The following HERC6 variants were observed in gnomAD, a reference collection of about 807,000 sequenced individuals.
The protein encoded by HERC6 is HECT and RLD domain containing E3 ubiquitin protein ligase family member 6, also known as probable E3 ubiquitin-protein ligase HERC6.
A neutral mutation model predicts 114.5 loss-of-function variants in HERC6; 101 were observed. The ratio of observed to expected loss-of-function variants is 0.88; its 90% CI spans 0.75 to 1.04. The LOEUF (loss-of-function observed/expected upper bound fraction) is 1.04, where lower values mean the gene tolerates loss of function less well. Among genes scored for constraint, HERC6 ranks in the 50% least tolerant of loss-of-function variants. The probability of loss-of-function intolerance (pLI) is 0.00; values close to 1 mark genes in which losing one functional copy is unlikely to be tolerated. For missense variants in HERC6, 1,133 were observed against 1,230.9 expected (o/e 0.92, Z 1.19); for synonymous variants, 408 against 436.2 (o/e 0.94, Z 0.81).
At chr4:88,400,839 T>C (rs951187668) in intron 8 of HERC6, among the ~76,000 whole-genome samples, 12 of 152,152 alleles carry the variant, frequency 7.9e-5, no homozygotes, top group African/African-American at 2.2e-4. Context: ...CTTGATCATA[T>C]GTATGGATGA....
intron 11 of HERC6, 57 bp downstream of exon 11, chr4:88,408,674 T>C (rs1291973760): frequency 1.9e-5 from 23 of 1,187,858 alleles, no homozygotes; most frequent in Non-Finnish European, 2.4e-5. Context: ...TTTATTTTTG[T>C]TGGAAGCTGG....
rs763951371 is a variant in HERC6 at position 88,396,105 on chromosome 4, A to G, written c.850A>G (p.Arg284Gly). Residue 284 changes from arginine (R) to glycine (G), a missense_variant, in exon 6 of 23, where the codon AGA (arginine) becomes GGA (glycine). This residue lies in a region of HERC6 where 735 missense variants were observed against 754.0 expected (regional missense o/e 0.97). Transcript: ENST00000264346. Reference sequence around the variant, plus strand: ...GAAGAGAGGTCCACAACTTGTGGAAAGAATTGATGGCCTAGTTTCGCAGAT... The same window carrying G: ...GAAGAGAGGTCCACAACTTGTGGAAGGAATTGATGGCCTAGTTTCGCAGAT... ...PEKRGPQLVE[R>G]IDGLVSQIDC... 5 of 1,604,982 alleles carry G rather than the reference A, an allele frequency of 3.1e-6. No homozygotes were observed. The South Asian group carries it at 5.6e-5, about 18-fold the overall frequency.
chr4:88,408,828 A>C (rs1446418104), intron 11 of HERC6, among the ~76,000 whole-genome samples: 1 of 152,150 alleles, frequency 6.6e-6, no homozygotes, highest in African/African-American at 2.4e-5. Context: ...TAGGAGACAG[A>C]ATTATTACTC....
chr4:88,398,926 A>G (rs560058738), intron 8 of HERC6: 37 of 152,338 alleles, frequency 2.4e-4, no homozygotes, highest in African/African-American at 8.4e-4. Context: ...GCAAAGTTGC[A>G]CTGTTAGTAA....
chr4:88,393,797 T>C (rs1735050944), intron 5 of HERC6, among the ~76,000 whole-genome samples: 1 of 152,224 alleles, frequency 6.6e-6, no homozygotes, highest in Non-Finnish European at 1.5e-5. Context: ...ATTTGATGTC[T>C]GATGAGGGCC....
At chr4:88,386,481 C>G (rs544594549) in intron 3 of HERC6, among the ~76,000 whole-genome samples, 1 of 152,138 alleles carries the variant, frequency 6.6e-6, no homozygotes, top group East Asian at 1.9e-4. Context: ...GCTAGGGTTA[C>G]AGGCGTGAGC....
At chr4:88,392,292 C>T (rs1245417610) in intron 4 of HERC6, among the ~76,000 whole-genome samples, 1 of 150,598 alleles carries the variant, frequency 6.6e-6, no homozygotes, top group Non-Finnish European at 1.5e-5. Context: ...CTCACAGGCA[C>T]ACACCACCAC....
At chr4:88,417,704 T>C in intron 13 of HERC6, 125 bp downstream of exon 13, 1 of 726,486 alleles carries the variant, frequency 1.4e-6, no homozygotes, top group Non-Finnish European at 2.1e-6. Context: ...TTTAAAGGAG[T>C]ATAGAAAAGG....
intron 1 of HERC6, 123 bp from the exon 2 acceptor site, chr4:88,383,098 A>AC: frequency 8.2e-7 from 1 of 1,223,244 alleles, no homozygotes; most frequent in South Asian, 1.5e-5. Context: ...GATTCAAAAG[A>AC]CCATTGGAGG....
At chr4:88,386,502 G>A (rs889745281) in intron 3 of HERC6, among the ~76,000 whole-genome samples, 3 of 151,944 alleles carry the variant, frequency 2.0e-5, no homozygotes, top group Admixed American at 6.6e-5. Context: ...CACTGTGCCC[G>A]GTCCCCAATT....
chr4:88,434,692 G>C (rs547417278), intron 17 of HERC6, among the ~76,000 whole-genome samples: 14 of 151,136 alleles, frequency 9.3e-5, no homozygotes, highest in Non-Finnish European at 2.1e-4. Context: ...GCCAGGATAT[G>C]AGTTCAGGAT....
At chr4:88,398,294 C>T (rs1221630780) in intron 8 of HERC6, 85 bp downstream of exon 8, 8 of 676,302 alleles carry the variant, frequency 1.2e-5, no homozygotes, top group South Asian at 3.1e-5. Flanking sequence ...ATTATTCATA[C>T]ATATTCAGGT....
chr4:88,418,725 G>C (rs1394205131), intron 13 of HERC6, among the ~76,000 whole-genome samples: 8 of 151,878 alleles, frequency 5.3e-5, no homozygotes, highest in African/African-American at 1.9e-4. Flanking sequence ...TGATTTTTTT[G>C]TTTGTTTGTT....
chr4:88,408,664 T>C (rs1578389877), intron 11 of HERC6, 47 bp downstream of exon 11: 1 of 1,242,024 alleles, frequency 8.1e-7, no homozygotes, highest in East Asian at 2.5e-5. Context: ...ACGATTGCAG[T>C]TTATTTTTGT....
At chr4:88,401,518 A>G (rs1271270834) in intron 8 of HERC6, among the ~76,000 whole-genome samples, 1 of 151,958 alleles carries the variant, frequency 6.6e-6, no homozygotes, top group Non-Finnish European at 1.5e-5. Context: ...GAAAAGAAAA[A>G]AGAGAAACAG....
chr4:88,424,817 T>A (rs549159369), intron 15 of HERC6, 115 bp downstream of exon 15: 2 of 652,472 alleles, frequency 3.1e-6, no homozygotes, highest in Non-Finnish European at 5.2e-6. Context: ...TGCCACACTT[T>A]TATCTATCAC....
intron 9 of HERC6, 54 bp from the exon 10 acceptor site, chr4:88,405,499 CA>C: frequency 5.3e-6 from 5 of 945,514 alleles, no homozygotes; most frequent in Non-Finnish European, 7.8e-6. Context: ...ATAAGATTTT[CA>C]AAAGGCATGC....
intron 11 of HERC6, among the ~76,000 whole-genome samples, 183 bp from the exon 12 acceptor site, chr4:88,412,894 C>G (rs1438025001): frequency 6.6e-6 from 1 of 152,164 alleles, no homozygotes; most frequent in African/African-American, 2.4e-5. Flanking sequence ...CTCTCATGTA[C>G]TATATCAGGG....
chr4:88,440,423 A>C, intron 22 of HERC6, 173 bp downstream of exon 22: 1 of 556,630 alleles, frequency 1.8e-6, no homozygotes, highest in East Asian at 2.9e-5. Flanking sequence ...TGAGGTATAG[A>C]GCAGAAACTT....
Sources: allele counts gnomAD v4.1 joint callset (sites outside exome capture counted in the v4.1 genomes callset), GRCh38; gene constraint gnomAD v4.1.1; regional missense constraint gnomAD v4.1.1; transcripts MANE v1.5; gene names NCBI Gene and HGNC (gene_info 2026-07-23, HGNC 2026-07-21).